The following ANKRD42 variants were observed in gnomAD, a reference collection of about 807,000 sequenced individuals.
ANKRD42 encodes ankyrin repeat domain 42.
ANKRD42 carries 43 observed loss-of-function variants against 51.5 expected under a neutral mutation model. The observed-to-expected ratio is 0.83, with a 90% CI of 0.65 to 1.08. The LOEUF (loss-of-function observed/expected upper bound fraction) is 1.08. ANKRD42 is among the 50% of genes least tolerant of loss of function. The pLI is 0.00. For synonymous variants in ANKRD42, 203 were observed against 213.0 expected (o/e 0.95, Z 0.41); for missense variants, 608 against 629.3 (o/e 0.97, Z 0.36).
chr11:83,210,108 TA>T (rs1160982158), intron 3 of ANKRD42, 191 bp from the exon 4 acceptor site: 8,890 of 408,924 alleles, frequency 0.022, no homozygotes, highest in South Asian at 0.031. Flanking sequence ...TTTTGTAATC[TA>T]AAAAAAAAAA....
At chr11:83,226,150 A>T (rs995129194) in intron 6 of ANKRD42, among the ~76,000 whole-genome samples, 3 of 152,180 alleles carry the variant, frequency 2.0e-5, no homozygotes, top group Admixed American at 6.5e-5. Flanking sequence ...CAATCTGCAG[A>T]TGTGGAACTT....
intron 3 of ANKRD42, chr11:83,209,289 T>C (rs1416195356): frequency 2.9e-6 from 2 of 689,640 alleles, no homozygotes; most frequent in Non-Finnish European, 5.3e-6. Context: ...AAGTGTCTTC[T>C]AGGCAATGTT....
At position 83,220,175 on chromosome 11, in the gene ANKRD42, A is replaced by G. The variant is rs973142555; in HGVS notation, c.587-4680A>G. Among the ~76,000 whole-genome samples the G allele has an allele frequency of 2.0e-5, 3 of 152,138 alleles. No individual in the cohort carries two copies. The South Asian group carries it at 6.2e-4, about 32-fold the overall frequency. ...TGAGCACTCCCAGGTGTATTTTGGG[A>G]CCACCACGGAAAGTGAAAGAGTTGG... On this transcript the variant is annotated intron_variant, in intron 5 of 10. Transcript: ENST00000533342.
intron 7 of ANKRD42, among the ~76,000 whole-genome samples, chr11:83,230,382 C>T (rs1467930004): frequency 6.6e-6 from 1 of 152,082 alleles, no homozygotes; most frequent in South Asian, 2.1e-4. Flanking sequence ...TACCCTTTAA[C>T]CATCCCTACC....
At chr11:83,256,049 T>A in exon 12 of ANKRD42, 8 of 690,610 alleles carry the variant, frequency 1.2e-5, no homozygotes, top group Non-Finnish European at 1.8e-5. Context: ...TCTGTTCCAA[T>A]TCTGATGGCA....
intron 3 of ANKRD42, among the ~76,000 whole-genome samples, chr11:83,208,751 T>C (rs1367887503): frequency 6.6e-6 from 1 of 152,176 alleles, no homozygotes; most frequent in African/African-American, 2.4e-5. Context: ...TGAGTTCAAT[T>C]TGGCATACGT....
Position 83,238,656 on chromosome 11 carries a change from C to A in ANKRD42, c.1020-2103C>A, listed in dbSNP as rs553066193. On this transcript the variant is annotated intron_variant, in intron 8 of 10. Coordinates refer to ENST00000533342, the MANE Select transcript of ANKRD42 (RefSeq NM_001300975.2). Reference sequence around the variant, plus strand: ...GATCAGGCTGACCAACATGGAGAAACCCTGTGTCTACTAAAAATACAAAAT... The same window carrying A: ...GATCAGGCTGACCAACATGGAGAAAACCTGTGTCTACTAAAAATACAAAAT... Among the ~76,000 whole-genome samples, 4 of 152,128 alleles carry A rather than the reference C, an allele frequency of 2.6e-5. No homozygotes were observed. The South Asian group carries it at 6.2e-4, about 24-fold the overall frequency.
chr11:83,221,776 T>C (rs974372969), intron 5 of ANKRD42, among the ~76,000 whole-genome samples: 2 of 152,202 alleles, frequency 1.3e-5, no homozygotes, highest in Admixed American at 1.3e-4. Flanking sequence ...ATGGTGATGC[T>C]GAACAGCCAC....
downstream of ANKRD42, chr11:83,260,731 C>A (rs1398895033): frequency 6.6e-6 from 1 of 151,990 alleles, no homozygotes; most frequent in East Asian, 1.9e-4. Flanking sequence ...CTGGGTAAGA[C>A]TGAAGAACTA....
intron 9 of ANKRD42, among the ~76,000 whole-genome samples, chr11:83,244,613 C>T (rs757624342): frequency 3.3e-5 from 5 of 152,164 alleles, no homozygotes; most frequent in Non-Finnish European, 7.3e-5. Context: ...CCCTGTTCCA[C>T]ACTCTCAAGC....
intron 1 of ANKRD42, among the ~76,000 whole-genome samples, chr11:83,195,845 CTT>C (rs573093104): frequency 1.6e-4 from 22 of 138,386 alleles, no homozygotes; most frequent in East Asian, 2.1e-4. Context: ...CTCTCTCTCT[CTT>C]TTTTTTTTTT....
downstream of ANKRD42, among the ~76,000 whole-genome samples, chr11:83,262,146 T>C (rs145048537): frequency 5.8e-3 from 883 of 152,328 alleles, 6 homozygotes; most frequent in Non-Finnish European, 8.7e-3. Flanking sequence ...GCAGCCTTAA[T>C]GCCTAATTCT....
At chr11:83,252,004 C>T (rs1263692562), downstream of ANKRD42, among the ~76,000 whole-genome samples, 1 of 152,208 alleles carries the variant, frequency 6.6e-6, no homozygotes, top group Non-Finnish European at 1.5e-5. Flanking sequence ...TTCTTTCTCT[C>T]TGCTTTTCTT....
Position 83,245,485 on chromosome 11 carries a change from C to G in ANKRD42, c.1196-13C>G. 4 of 1,535,180 alleles carry G rather than the reference C, an allele frequency of 2.6e-6. No individual in the cohort carries two copies. The South Asian group carries it at 4.8e-5, about 18-fold the overall frequency. On this transcript the variant is annotated splice_polypyrimidine_tract_variant and intron_variant, in intron 9 of 10. Coordinates refer to ENST00000533342, the MANE Select transcript of ANKRD42 (RefSeq NM_001300975.2). Reference sequence around the variant, plus strand: ...TATGTCTAACTAGGTTCCTACTCAACTCTGTCTTGCAGTGAGAGCTTACAA... The same window carrying G: ...TATGTCTAACTAGGTTCCTACTCAAGTCTGTCTTGCAGTGAGAGCTTACAA...
At chr11:83,234,236 C>T (rs996721949) in intron 7 of ANKRD42, among the ~76,000 whole-genome samples, 1 of 152,130 alleles carries the variant, frequency 6.6e-6, no homozygotes, top group Non-Finnish European at 1.5e-5. Flanking sequence ...TAAAATTGGT[C>T]ATATAAAAGT....
chr11:83,233,480 C>G (rs922648672), intron 7 of ANKRD42, among the ~76,000 whole-genome samples: 1 of 151,592 alleles, frequency 6.6e-6, no homozygotes, highest in East Asian at 1.9e-4. Flanking sequence ...CTCTTTTTTT[C>G]TTAGTCTGGA....
chr11:83,263,231 ATAAAT>A (rs1407188309), downstream of ANKRD42, among the ~76,000 whole-genome samples: 1 of 152,200 alleles, frequency 6.6e-6, no homozygotes, highest in Non-Finnish European at 1.5e-5. Context: ...TCAACAGCTG[ATAAAT>A]TAAGTTTTAG....
At position 83,210,313 on chromosome 11, in the gene ANKRD42, A is replaced by G. The variant is rs1590972619; in HGVS notation, c.344A>G (p.Asn115Ser). 1 of 1,613,772 alleles carries G rather than the reference A, an allele frequency of 6.2e-7. No individual in the cohort carries two copies. Among genetic ancestry groups the G allele is most frequent in the Non-Finnish European group, 8.5e-7 (1 of 1,179,686 alleles). The change falls in exon 4 of 11, where the codon AAT becomes AGT. Residue 115 changes from asparagine (N) to serine (S), a missense_variant. Transcript: ENST00000533342. ...CTCTATTTTTAGGCTCTTATAATGA[A>G]TGGAGCAAATCTGACAGCCCAGGAT... ...QDACVQALIM[N>S]GANLTAQDDR... is the part of the protein sequence containing the mutation.
intron 3 of ANKRD42, chr11:83,209,352 C>T (rs1380444870): frequency 1.4e-6 from 2 of 1,386,186 alleles, no homozygotes; most frequent in East Asian, 2.5e-5. Context: ...CTGGGAGTTG[C>T]TTGGAGGTTG....
Sources: gnomAD v4.1 joint callset for allele counts (sites outside exome capture counted in the v4.1 genomes callset) on GRCh38, gnomAD v4.1.1 for gene constraint, MANE v1.5 for transcripts, NCBI Gene and HGNC (gene_info 2026-07-23, HGNC 2026-07-21) for gene names.